PPP2R5A: variants seen among roughly 807,000 people sequenced by gnomAD.
PPP2R5A encodes the protein protein phosphatase 2 regulatory subunit B'alpha.
In PPP2R5A, 25 loss-of-function variants were observed where a neutral mutation model predicts 64.2. The observed-to-expected ratio is 0.39, with a 90% CI of 0.28 to 0.54. The LOEUF is 0.54. PPP2R5A is among the 20% of genes least tolerant of loss of function. The pLI, the probability that PPP2R5A is intolerant of heterozygous loss-of-function variation, is 0.67. For synonymous variants in PPP2R5A, 198 were observed against 201.2 expected (o/e 0.98, Z 0.13); for missense variants, 425 against 576.3 (o/e 0.74, Z 2.69).
chr1:212,309,404 T>G (rs1005451888), intron 1 of PPP2R5A: 1 of 1,400,876 alleles, frequency 7.1e-7, no homozygotes, highest in Non-Finnish European at 1.0e-6. Context: ...GTGCGGATCT[T>G]CTTTTTTTTG....
chr1:212,309,885 C>T (rs1459943787), intron 1 of PPP2R5A, among the ~76,000 whole-genome samples: 1 of 152,238 alleles, frequency 6.6e-6, no homozygotes. Flanking sequence ...GCAAAAAAGT[C>T]CTCACATCCT....
At chr1:212,346,003 T>C in intron 5 of PPP2R5A, 70 bp downstream of exon 5, 1 of 1,426,118 alleles carries the variant, frequency 7.0e-7, no homozygotes. Flanking sequence ...AGTTCTTTTA[T>C]TTTTATTTGT....
chr1:212,310,695 G>A (rs1659013070), intron 1 of PPP2R5A, among the ~76,000 whole-genome samples: 1 of 152,196 alleles, frequency 6.6e-6, no homozygotes, highest in African/African-American at 2.4e-5. Context: ...AAAGGTGATT[G>A]AGGCCCCAGT....
chr1:212,357,117 C>T, intron 10 of PPP2R5A, 40 bp from the exon 11 acceptor site: 1 of 1,579,210 alleles, frequency 6.3e-7, no homozygotes, highest in Non-Finnish European at 8.6e-7. Context: ...TATTTCTTTC[C>T]TATTTTAGTT....
intron 1 of PPP2R5A, among the ~76,000 whole-genome samples, chr1:212,320,562 T>TC (rs1253551397): frequency 2.2e-4 from 24 of 111,592 alleles, no homozygotes; most frequent in Non-Finnish European, 4.2e-4. Context: ...GGGGCGGCTG[T>TC]CCGGGCGGGG....
In PPP2R5A at chr1:212,309,334, C is replaced by T. The variant is rs941630858; in HGVS notation, c.182-19801C>T. 4.8e-5 allele frequency: 73 copies of T among 1,533,012 alleles called. No homozygotes were observed. In the Middle Eastern group the frequency reaches 6.9e-4, roughly 15 times the overall value. The allele number at this position is 1,533,012 out of a possible 1,614,324, so 95.0% of individuals were successfully genotyped here. A position where few individuals can be genotyped will look rare whatever the true frequency, so the allele number is the denominator to read the frequency against. On this transcript the variant is annotated intron_variant, in intron 1 of 12. Transcript: ENST00000261461. The stretch of plus-strand genomic sequence containing the variant: ...TTTGTTTCTCCTGGGGGCGCTCTTC[C>T]GAGGATATTTGGGCTGCCTCCGGAG...
At chr1:212,325,503 A>G (rs1659389822) in intron 1 of PPP2R5A, among the ~76,000 whole-genome samples, 1 of 152,168 alleles carries the variant, frequency 6.6e-6, no homozygotes, top group Non-Finnish European at 1.5e-5. Context: ...GTATAAGGTG[A>G]TCACATAATT....
intron 1 of PPP2R5A, among the ~76,000 whole-genome samples, chr1:212,315,519 G>T (rs1051449480): frequency 6.6e-6 from 1 of 152,122 alleles, no homozygotes; most frequent in Non-Finnish European, 1.5e-5. Flanking sequence ...CGACATTAAA[G>T]AACATAATGT....
chr1:212,316,941 G>T (rs1429146645), intron 1 of PPP2R5A, among the ~76,000 whole-genome samples: 1 of 152,102 alleles, frequency 6.6e-6, no homozygotes, highest in East Asian at 1.9e-4. Context: ...ATGCTTGACT[G>T]TCTTTTGGAG....
Position 212,321,171 on chromosome 1 carries a change from G to T in PPP2R5A, c.182-7964G>T, listed in dbSNP as rs559768426. On this transcript the variant is annotated intron_variant, in intron 1 of 12. Coordinates refer to ENST00000261461, the MANE Select transcript of PPP2R5A (RefSeq NM_006243.4). Reference sequence around the variant, plus strand: ...GAGGCGCCCCTCACCTCCTGGATGGGGCGGCTGGCCAGGCGGGGGGCTGAC... The same window carrying T: ...GAGGCGCCCCTCACCTCCTGGATGGTGCGGCTGGCCAGGCGGGGGGCTGAC... Among the ~76,000 whole-genome samples the T allele has an allele frequency of 9.2e-3, 1,336 of 144,594 alleles. 32 individuals are homozygous for T. Among genetic ancestry groups the T allele is most frequent in the African/African-American group, 0.033 (1,250 of 38,002 alleles). The allele number at this position is 144,594 out of a possible 152,430, so 94.9% of individuals were successfully genotyped here. A position where few individuals can be genotyped will look rare whatever the true frequency, so the allele number is the denominator to read the frequency against.
intron 8 of PPP2R5A, 54 bp from the exon 9 acceptor site, chr1:212,356,572 T>C (rs1411209697): frequency 6.5e-7 from 1 of 1,527,498 alleles, no homozygotes. Context: ...GAAAATACGC[T>C]GGGATTAACT....
At chr1:212,332,320 A>C (rs17665257) in intron 2 of PPP2R5A, among the ~76,000 whole-genome samples, 1 of 152,082 alleles carries the variant, frequency 6.6e-6, no homozygotes, top group Non-Finnish European at 1.5e-5. Flanking sequence ...CTTGTCCTCT[A>C]CCTCTGGAAT....
At chr1:212,325,011 G>A (rs79533762) in intron 1 of PPP2R5A, among the ~76,000 whole-genome samples, 2,051 of 152,150 alleles carry the variant, frequency 0.013, 42 homozygotes, top group African/African-American at 0.047. Flanking sequence ...CTGTATTTCA[G>A]TGCAGTATCT....
chr1:212,327,571 C>T (rs1223402494), intron 1 of PPP2R5A, among the ~76,000 whole-genome samples: 5 of 151,788 alleles, frequency 3.3e-5, no homozygotes, highest in East Asian at 2.0e-4. Context: ...CCCGCCACCA[C>T]GTTTGGCTAA....
rs1417363228 is a variant in PPP2R5A at position 212,345,321 on chromosome 1, A to G, written c.574-482A>G. ...GGTAACTGTCTTGAATTTATTGTAA[A>G]TTCACAAAAAGAAGTCTTAGTATAT... On this transcript the variant is annotated intron_variant, in intron 4 of 12. Transcript: ENST00000261461. Among the ~76,000 whole-genome samples, 4 of 152,166 alleles carry G rather than the reference A, an allele frequency of 2.6e-5. No homozygotes were observed. The East Asian group carries it at 7.7e-4, about 29-fold the overall frequency.
intron 3 of PPP2R5A, among the ~76,000 whole-genome samples, chr1:212,339,832 A>C (rs1277187466): frequency 6.6e-6 from 1 of 152,056 alleles, no homozygotes; most frequent in Non-Finnish European, 1.5e-5. Context: ...AAGAAGGGAG[A>C]GTAAATAGGC....
At chr1:212,324,451 G>C (rs1659371791) in intron 1 of PPP2R5A, among the ~76,000 whole-genome samples, 1 of 152,058 alleles carries the variant, frequency 6.6e-6, no homozygotes, top group South Asian at 2.1e-4. Flanking sequence ...TTTTTTGCTG[G>C]CCACAGGCTA....
chr1:212,324,110 T>C (rs1455769307), intron 1 of PPP2R5A, among the ~76,000 whole-genome samples: 1 of 152,032 alleles, frequency 6.6e-6, no homozygotes, highest in South Asian at 2.1e-4. Context: ...TTAAACCTAC[T>C]ACGATTATGC....
intron 1 of PPP2R5A, among the ~76,000 whole-genome samples, chr1:212,290,253 G>T (rs992628614): frequency 3.3e-5 from 5 of 152,190 alleles, no homozygotes; most frequent in African/African-American, 4.8e-5. Flanking sequence ...GTGATCTAAG[G>T]TAATTGTGGA....
Sources: gnomAD v4.1 joint callset for allele counts (sites outside exome capture counted in the v4.1 genomes callset) on GRCh38, gnomAD v4.1.1 for gene constraint, MANE v1.5 for transcripts, NCBI Gene and HGNC (gene_info 2026-07-23, HGNC 2026-07-21) for gene names.